Variants in TIMP3 observed in about 807,000 individuals in gnomAD.
The protein encoded by TIMP3 is metalloproteinase inhibitor 3.
Under a neutral mutation model 30.0 loss-of-function variants are expected in TIMP3, and 11 were observed. The observed-to-expected ratio is 0.37, with a 90% CI of 0.23 to 0.61. The LOEUF (loss-of-function observed/expected upper bound fraction) is 0.61. Ranked by LOEUF, TIMP3 falls within the 20% of genes least tolerant of loss-of-function variation. The pLI, the probability that TIMP3 is intolerant of heterozygous loss-of-function variation, is 0.70. For synonymous variants in TIMP3, 112 were observed against 111.3 expected (o/e 1.01, Z -0.04); for missense variants, 181 against 276.8 (o/e 0.65, Z 2.45).
intron 1 of TIMP3, among the ~76,000 whole-genome samples, chr22:32,821,686 G>A (rs1269692038): frequency 6.6e-6 from 1 of 152,132 alleles, no homozygotes; most frequent in Admixed American, 6.5e-5. Flanking sequence ...GGTGGGGAGT[G>A]GGGGAAAGCA....
chr22:32,856,994 T>C (rs896828254), intron 2 of TIMP3, among the ~76,000 whole-genome samples: 1 of 152,232 alleles, frequency 6.6e-6, no homozygotes, highest in African/African-American at 2.4e-5. Flanking sequence ...AAGATTTCAT[T>C]CTTTTTTCTG....
At position 32,857,377 on chromosome 22, in the gene TIMP3, G is replaced by T. The variant is rs1390028646; in HGVS notation, c.316+17G>T. 5 of 1,599,854 alleles carry T rather than the reference G, an allele frequency of 3.1e-6. No homozygotes were observed. The highest frequency in any genetic ancestry group is 4.3e-6 in the Non-Finnish European group (5 of 1,167,180). ...TGCTGACAGGTAATGGCCAACTCTA[G>T]CTTCTAGGCCAGGGTTTGGCCAAGG... On this transcript the variant is annotated intron_variant, in intron 3 of 4. Coordinates refer to ENST00000266085, the MANE Select transcript of TIMP3 (RefSeq NM_000362.5).
Position 32,857,186 on chromosome 22 carries a change from T to C in TIMP3, c.205-63T>C. ...TTTGGATACATACCCAGCAGTGGGA[T>C]TAGGGATCATACGGGTGTCCAAACT... On this transcript the variant is annotated intron_variant, in intron 2 of 4. Transcript: ENST00000266085. The C allele has an allele frequency of 3.2e-6, 4 of 1,240,304 alleles. No homozygotes were observed. In the South Asian group the frequency reaches 4.8e-5, roughly 15 times the overall value. 76.8% of individuals were successfully genotyped at this position (1,240,304 alleles called of 1,614,324 possible). A position where few individuals can be genotyped will look rare whatever the true frequency, so the allele number is the denominator to read the frequency against.
intron 1 of TIMP3, among the ~76,000 whole-genome samples, chr22:32,834,751 T>A (rs1425821722): frequency 6.6e-6 from 1 of 152,166 alleles, no homozygotes; most frequent in Admixed American, 6.5e-5. Context: ...GGGTGGCCCA[T>A]AAACCCAGAA....
intron 1 of TIMP3, among the ~76,000 whole-genome samples, chr22:32,822,030 C>G (rs918050753): frequency 4.6e-5 from 7 of 151,986 alleles, no homozygotes; most frequent in Non-Finnish European, 8.8e-5. Flanking sequence ...TGGCGCATGC[C>G]TGTAATCCCA....
chr22:32,846,650 C>T (rs1035693165), intron 1 of TIMP3, among the ~76,000 whole-genome samples: 12 of 152,204 alleles, frequency 7.9e-5, no homozygotes, highest in Admixed American at 7.2e-4. Context: ...AGCACCAGGG[C>T]TGGGATTTGA....
chr22:32,843,762 CAGCCCCTTCCCTGGG>C (rs1220198241), intron 1 of TIMP3, among the ~76,000 whole-genome samples: 1 of 152,188 alleles, frequency 6.6e-6, no homozygotes, highest in African/African-American at 2.4e-5. Flanking sequence ...ATCAGAAGAG[CAGCCCCTTCCCTGGG>C]ACTGACACTA....
rs1241851245 is a variant in TIMP3 at position 32,801,994 on chromosome 22, C to T, written c.-8C>T. The T allele has an allele frequency of 6.3e-7, 1 of 1,583,972 alleles. No homozygotes were observed. The highest frequency in any genetic ancestry group is 2.3e-5 in the East Asian group (1 of 43,828). On this transcript the variant is annotated 5_prime_UTR_variant, in exon 1 of 5. Coordinates refer to ENST00000266085, the MANE Select transcript of TIMP3 (RefSeq NM_000362.5). The surrounding 1 kb of genome is among the most constrained non-coding windows in gnomAD (Gnocchi z 4.7). ...GCAGCAGCCCCGGCAGCGGCGGCAG[C>T]AGCGGCAATGACCCCTTGGCTCGGG...
chr22:32,811,444 G>A (rs760543212), intron 1 of TIMP3, among the ~76,000 whole-genome samples: 27 of 152,172 alleles, frequency 1.8e-4, no homozygotes, highest in Non-Finnish European at 3.7e-4. Context: ...GGAAAATGGC[G>A]CTCTGTGGTG....
chr22:32,811,762 T>C (rs1359320107), intron 1 of TIMP3, among the ~76,000 whole-genome samples: 1 of 152,098 alleles, frequency 6.6e-6, no homozygotes, highest in African/African-American at 2.4e-5. Flanking sequence ...GGCTTAGCCA[T>C]ATAGCCAATA....
intron 1 of TIMP3, among the ~76,000 whole-genome samples, chr22:32,846,165 T>G (rs577935917): frequency 6.6e-6 from 1 of 152,370 alleles, no homozygotes; most frequent in South Asian, 2.1e-4. Flanking sequence ...GACTGTGATC[T>G]TGTTTGGCTG....
At chr22:32,832,764 T>A (rs908963214) in intron 1 of TIMP3, among the ~76,000 whole-genome samples, 3 of 152,086 alleles carry the variant, frequency 2.0e-5, no homozygotes, top group African/African-American at 7.2e-5. Flanking sequence ...AGTCTCACTC[T>A]GTCGTTCAGC....
chr22:32,843,376 G>A lies in TIMP3; in HGVS notation c.122-6076G>A, dbSNP rs746491951. ...CTTGAATGGGTGAGCAGCTGGAAGA[G>A]TGAGAGAGCCTGGCTCTGCCCTCCT... On this transcript the variant is annotated intron_variant, in intron 1 of 4. Transcript: ENST00000266085. Among the ~76,000 whole-genome samples the A allele has an allele frequency of 5.3e-5, 8 of 152,240 alleles. No individual in the cohort carries two copies. In the South Asian group the frequency reaches 8.3e-4, roughly 16 times the overall value.
At chr22:32,847,089 C>T (rs911945101) in intron 1 of TIMP3, among the ~76,000 whole-genome samples, 4 of 152,186 alleles carry the variant, frequency 2.6e-5, no homozygotes, top group East Asian at 1.9e-4. Flanking sequence ...CCACACCCCC[C>T]GGCCAAGACT....
chr22:32,851,207 GCAGAGGTT>G (rs1284281995), intron 2 of TIMP3, among the ~76,000 whole-genome samples: 2 of 152,164 alleles, frequency 1.3e-5, no homozygotes, highest in Non-Finnish European at 2.9e-5. Flanking sequence ...TTAGACCAAA[GCAGAGGTT>G]CAGAAAACAC....
At chr22:32,857,199 G>A (rs147522917) in intron 2 of TIMP3, 50 bp from the exon 3 acceptor site, 110 of 1,394,002 alleles carry the variant, frequency 7.9e-5, no homozygotes, top group African/African-American at 3.7e-4. Flanking sequence ...GGGATCATAC[G>A]GGTGTCCAAA....
At chr22:32,818,746 A>G (rs868072000) in intron 1 of TIMP3, among the ~76,000 whole-genome samples, 1 of 152,140 alleles carries the variant, frequency 6.6e-6, no homozygotes, top group Non-Finnish European at 1.5e-5. Flanking sequence ...CTAGGGGGAA[A>G]GTCTCAGGAT....
intron 1 of TIMP3, among the ~76,000 whole-genome samples, chr22:32,828,858 C>CA (rs1190053126): frequency 2.6e-5 from 4 of 152,118 alleles, no homozygotes; most frequent in African/African-American, 9.7e-5. Context: ...GTATATCAGC[C>CA]AAGCTTGGGG....
intron 2 of TIMP3, among the ~76,000 whole-genome samples, chr22:32,849,826 A>G (rs965627303): frequency 1.3e-5 from 2 of 152,160 alleles, no homozygotes; most frequent in African/African-American, 4.8e-5. Flanking sequence ...GCTCGTAACC[A>G]TGAGACCTTG....
Sources: gnomAD v4.1 joint callset for allele counts (sites outside exome capture counted in the v4.1 genomes callset) on GRCh38, gnomAD v4.1.1 for gene constraint, Gnocchi (gnomAD v3.1) non-coding constraint, MANE v1.5 for transcripts, NCBI Gene and HGNC (gene_info 2026-07-23, HGNC 2026-07-21) for gene names.